Variants in PLCG2 observed in about 807,000 individuals in gnomAD.
PLCG2 encodes the protein 1-phosphatidylinositol 4,5-bisphosphate phosphodiesterase gamma-2.
In PLCG2, 69 loss-of-function variants were observed where a neutral mutation model predicts 175.6. That is an observed-to-expected ratio of 0.39 (90% CI 0.32 to 0.48). The LOEUF (loss-of-function observed/expected upper bound fraction) is 0.48, where lower values mean the gene tolerates loss of function less well. PLCG2 is among the 20% of genes least tolerant of loss of function. The pLI is 0.91. For missense variants in PLCG2, 1,798 were observed against 1,650.9 expected, an observed-to-expected ratio of 1.09 and a Z score of -1.54; for synonymous variants, 827 against 624.0, an observed-to-expected ratio of 1.33 and a Z score of -4.85.
At chr16:81,853,951 A>G (rs1412790682) in intron 2 of PLCG2, among the ~76,000 whole-genome samples, 1 of 152,046 alleles carries the variant, frequency 6.6e-6, no homozygotes, top group Non-Finnish European at 1.5e-5. Flanking sequence ...TAGTGCCTTC[A>G]TTTCCTCTTC....
In PLCG2 at chr16:81,912,608, A is replaced by G; in HGVS notation, c.1946A>G (p.Asp649Gly). ...GCCCTGTGCCGCAGGTGGTACTATG[A>G]CAGCCTGAGCCGCGGAGAGGCAGAG... Reference protein sequence around the residue: ...NPHESKPWYYDSLSRGEAEDM... With the variant: ...NPHESKPWYYGSLSRGEAEDM... Residue 649 changes from aspartate to glycine, a missense_variant, in exon 19 of 33, where the codon GAC becomes GGC. Physicochemically the swap from Asp to Gly is moderately conservative, Grantham distance 94. Transcript: ENST00000564138. 6.2e-7 allele frequency: 1 copy of G among 1,613,072 alleles called. No homozygotes were observed. The highest frequency in any genetic ancestry group is 8.5e-7 in the Non-Finnish European group (1 of 1,179,792).
chr16:81,839,198 C>T (rs1021724485), intron 2 of PLCG2, among the ~76,000 whole-genome samples: 6 of 152,054 alleles, frequency 3.9e-5, no homozygotes, highest in African/African-American at 2.4e-5. Flanking sequence ...CAGGTGAAAA[C>T]GGTGAGTTGA....
chr16:81,923,554 G>T lies in PLCG2; in HGVS notation c.2377G>T (p.Gly793Cys). Residue 793 changes from glycine (G) to cysteine (C), a missense_variant, in exon 22 of 33, where the codon GGT becomes TGT. Transcript: ENST00000564138. The stretch of plus-strand genomic sequence containing the variant: ...AAGCGATGAGCTGAGCTTCTGCCGT[G>T]GTGCCCTCATCCACAATGTCTCCAA... ...KRSDELSFCR[G>C]ALIHNVSKEP... 1 of 1,613,666 alleles carries T rather than the reference G, an allele frequency of 6.2e-7. No homozygotes were observed. The highest frequency in any genetic ancestry group is 1.3e-5 in the African/African-American group (1 of 75,032).
rs185193591 is a variant in PLCG2, at chr16:81,959,341, G to C, written c.*1343G>C. ...AGTATGCATGTACTGCTGAAAAGCAGGGCAGAACAAATCAGGCTCTGACCA... is the reference window on the plus strand; with the variant it reads ...AGTATGCATGTACTGCTGAAAAGCACGGCAGAACAAATCAGGCTCTGACCA... On this transcript the variant is annotated 3_prime_UTR_variant, in exon 33 of 33. Coordinates refer to ENST00000564138, the MANE Select transcript of PLCG2 (RefSeq NM_002661.5). 2 of 222,316 alleles carry C rather than the reference G, an allele frequency of 9.0e-6. No homozygotes were observed. Among genetic ancestry groups the C allele is most frequent in the East Asian group, 6.5e-5 (1 of 15,320 alleles). 13.8% of individuals were successfully genotyped at this position (222,316 alleles called of 1,614,324 possible). A position where few individuals can be genotyped will look rare whatever the true frequency, so the allele number is the denominator to read the frequency against.
At chr16:81,921,084 C>CA in intron 20 of PLCG2, 114 bp from the exon 21 acceptor site, 1 of 638,726 alleles carries the variant, frequency 1.6e-6, no homozygotes, top group Non-Finnish European at 2.7e-6. Flanking sequence ...TATGAGGTTT[C>CA]AACTCCTCTA....
intron 27 of PLCG2, chr16:81,937,549 T>G: frequency 2.4e-6 from 1 of 424,982 alleles, no homozygotes; most frequent in East Asian, 3.6e-5. Flanking sequence ...TGATTCGGGA[T>G]TTGGTGACAT....
intron 22 of PLCG2, among the ~76,000 whole-genome samples, chr16:81,925,653 CGA>C (rs1323004067): frequency 6.6e-6 from 1 of 152,074 alleles, no homozygotes; most frequent in Non-Finnish European, 1.5e-5. Context: ...TTTGGGAGGC[CGA>C]GGCGGGTGGC....
chr16:81,883,533 C>T, intron 9 of PLCG2, 192 bp downstream of exon 9: 1 of 600,330 alleles, frequency 1.7e-6, no homozygotes, highest in East Asian at 2.8e-5. Context: ...CTGTCTGATG[C>T]CACTGAAACT....
intron 1 of PLCG2, among the ~76,000 whole-genome samples, chr16:81,744,894 G>A (rs1245161506): frequency 2.0e-5 from 3 of 152,172 alleles, no homozygotes; most frequent in East Asian, 1.9e-4. Flanking sequence ...AGGGCATCTG[G>A]AGAGGTGAAA....
chr16:81,755,261 A>G (rs752436329), intron 1 of PLCG2, among the ~76,000 whole-genome samples: 2 of 152,012 alleles, frequency 1.3e-5, no homozygotes, highest in African/African-American at 2.4e-5. Flanking sequence ...CGGTGCCGTC[A>G]TCGTGGCTCA....
intron 28 of PLCG2, 84 bp downstream of exon 28, chr16:81,937,987 C>A: frequency 7.6e-7 from 1 of 1,313,074 alleles, no homozygotes; most frequent in South Asian, 1.3e-5. Context: ...AGCAGGGAAC[C>A]CATGTCTAGG....
intron 5 of PLCG2, among the ~76,000 whole-genome samples, chr16:81,866,640 C>G (rs1221077194): frequency 8.8e-6 from 1 of 113,450 alleles, no homozygotes; most frequent in African/African-American, 2.7e-5. Flanking sequence ...CTCCCTTGCT[C>G]CCAGGATGAG....
At chr16:81,831,577 T>A (rs186329861) in intron 2 of PLCG2, among the ~76,000 whole-genome samples, 5 of 152,276 alleles carry the variant, frequency 3.3e-5, no homozygotes, top group African/African-American at 1.2e-4. Flanking sequence ...TTGGGACCCC[T>A]GGCTGGGTCT....
intron 1 of PLCG2, 135 bp downstream of exon 1, chr16:81,779,559 C>A (rs1413131120): frequency 6.6e-6 from 1 of 151,972 alleles, no homozygotes; most frequent in African/African-American, 2.4e-5. Flanking sequence ...CGGGGCGCAC[C>A]CTCGGGGACC....
chr16:81,893,572 A>C (rs998901561), intron 11 of PLCG2, 137 bp from the exon 12 acceptor site: 2 of 661,790 alleles, frequency 3.0e-6, no homozygotes, highest in African/African-American at 1.8e-5. Context: ...CTTAGCTTTG[A>C]GTCTTTCTAC....
intron 2 of PLCG2, among the ~76,000 whole-genome samples, chr16:81,837,503 T>A (rs1485153527): frequency 6.6e-6 from 1 of 152,148 alleles, no homozygotes; most frequent in Non-Finnish European, 1.5e-5. Context: ...GCTGGTAGAA[T>A]CCCCTGGGAG....
At chr16:81,824,850 G>T (rs949281992) in intron 2 of PLCG2, among the ~76,000 whole-genome samples, 1 of 152,228 alleles carries the variant, frequency 6.6e-6, no homozygotes, top group African/African-American at 2.4e-5. Flanking sequence ...TTTTGCATGT[G>T]TGATTAAGGG....
intron 18 of PLCG2, among the ~76,000 whole-genome samples, 158 bp from the exon 19 acceptor site, chr16:81,912,439 G>T (rs899743520): frequency 6.6e-6 from 1 of 152,226 alleles, no homozygotes; most frequent in Admixed American, 6.5e-5. Flanking sequence ...TCTTTGCTGA[G>T]GTGCCTTTGT....
At chr16:81,802,989 C>A (rs1271882322) in intron 2 of PLCG2, among the ~76,000 whole-genome samples, 1 of 152,124 alleles carries the variant, frequency 6.6e-6, no homozygotes, top group Admixed American at 6.5e-5. Flanking sequence ...CCCCCAAATC[C>A]TATACATTAG....
Sources: gnomAD v4.1 joint callset for allele counts (sites outside exome capture counted in the v4.1 genomes callset) on GRCh38, gnomAD v4.1.1 for gene constraint, MANE v1.5 for transcripts, NCBI Gene and HGNC (gene_info 2026-07-23, HGNC 2026-07-21) for gene names.